CACNA2D3: variants seen among roughly 807,000 people sequenced by gnomAD.
The protein encoded by CACNA2D3 is calcium voltage-gated channel auxiliary subunit alpha2delta 3.
CACNA2D3 carries 60 observed loss-of-function variants against 160.6 expected under a neutral mutation model. That is an observed-to-expected ratio of 0.37 (90% CI 0.30 to 0.46). The LOEUF is 0.46. CACNA2D3 is among the 20% of genes least tolerant of loss of function. The pLI, the probability that CACNA2D3 is intolerant of heterozygous loss-of-function variation, is 1.00. For synonymous variants in CACNA2D3, 558 were observed against 492.9 expected, an observed-to-expected ratio of 1.13 and a Z score of -1.75; for missense variants, 1,205 against 1,365.0, an observed-to-expected ratio of 0.88 and a Z score of 1.85.
chr3:54,294,650 T>C (rs1005843092), intron 2 of CACNA2D3, among the ~76,000 whole-genome samples: 1 of 152,180 alleles, frequency 6.6e-6, no homozygotes, highest in East Asian at 1.9e-4. Flanking sequence ...TTTCCAGGCC[T>C]TGGTCATTTT....
chr3:54,141,888 C>A (rs1041578978), intron 2 of CACNA2D3, among the ~76,000 whole-genome samples: 1 of 152,160 alleles, frequency 6.6e-6, no homozygotes, highest in Non-Finnish European at 1.5e-5. Flanking sequence ...GGTATCATGC[C>A]GGCTCTTGGA....
intron 29 of CACNA2D3, among the ~76,000 whole-genome samples, chr3:54,971,684 A>G (rs1400948879): frequency 3.9e-5 from 6 of 152,220 alleles, no homozygotes; most frequent in Non-Finnish European, 7.3e-5. Context: ...AAACAAGTGG[A>G]AATGGATTTC....
rs956629824 is a variant in CACNA2D3, at chr3:54,969,863, C to T, written c.2556+19C>T. On this transcript the variant is annotated intron_variant, in intron 29 of 37. Transcript: ENST00000474759. The stretch of plus-strand genomic sequence containing the variant: ...TGATGAGGTAAGACGGCCTCCTGGT[C>T]CTGTTTCTACCCCTGTGGATAGAAG... The T allele has an allele frequency of 6.2e-7, 1 of 1,609,552 alleles. No individual in the cohort carries two copies.
chr3:54,411,874 C>A (rs1422116806), intron 4 of CACNA2D3, among the ~76,000 whole-genome samples: 6 of 152,196 alleles, frequency 3.9e-5, no homozygotes, highest in African/African-American at 1.4e-4. Flanking sequence ...TGCTGCTTAA[C>A]TACACTTGTG....
intron 11 of CACNA2D3, among the ~76,000 whole-genome samples, chr3:54,703,320 A>T (rs1448743582): frequency 3.3e-5 from 5 of 152,204 alleles, no homozygotes; most frequent in African/African-American, 1.2e-4. Context: ...ATTAACCTAC[A>T]TGTGATTCAT....
At chr3:54,885,624 G>T (rs764284460) in intron 23 of CACNA2D3, 38 bp downstream of exon 23, 4 of 1,503,846 alleles carry the variant, frequency 2.7e-6, no homozygotes, top group African/African-American at 1.4e-5. Flanking sequence ...GCCTTCAGGG[G>T]TGATGGTGGG....
At chr3:54,883,806 T>TCTCTCTCTCTCTCTCTCTCTCTCTCTCC (rs1699859664) in intron 21 of CACNA2D3, among the ~76,000 whole-genome samples, 1 of 125,208 alleles carries the variant, frequency 8.0e-6, no homozygotes, top group African/African-American at 3.3e-5. Flanking sequence ...GGAATCTCTC[T>TCTCTCTCTCTCTCTCTCTCTCTCTCTCC]CTCTCTCTCT....
chr3:54,709,951 A>G (rs781646998), intron 11 of CACNA2D3, among the ~76,000 whole-genome samples: 4 of 152,168 alleles, frequency 2.6e-5, no homozygotes, highest in Admixed American at 6.5e-5. Flanking sequence ...TCAGTCGCCT[A>G]CCACCTGGTA....
At chr3:54,743,605 A>G (rs923590600) in intron 11 of CACNA2D3, among the ~76,000 whole-genome samples, 1 of 152,192 alleles carries the variant, frequency 6.6e-6, no homozygotes, top group African/African-American at 2.4e-5. Context: ...CAATTAATTT[A>G]TTCCCCTTTG....
intron 3 of CACNA2D3, among the ~76,000 whole-genome samples, chr3:54,355,497 G>T (rs1405521968): frequency 6.6e-6 from 1 of 152,144 alleles, no homozygotes; most frequent in Non-Finnish European, 1.5e-5. Flanking sequence ...TGAAGTTAGA[G>T]TCATCAGGAA....
At chr3:55,018,387 T>C in intron 35 of CACNA2D3, 70 bp downstream of exon 35, 1 of 892,606 alleles carries the variant, frequency 1.1e-6, no homozygotes, top group Admixed American at 2.0e-5. Context: ...CAGATGGGTC[T>C]GTGTGACTTG....
intron 35 of CACNA2D3, among the ~76,000 whole-genome samples, chr3:55,069,570 T>G (rs748710971): frequency 1.6e-4 from 25 of 152,250 alleles, no homozygotes; most frequent in African/African-American, 5.3e-4. Context: ...TGGTTTTATA[T>G]GCTGATTATG....
At chr3:54,857,215 A>C (rs1305545657) in intron 17 of CACNA2D3, among the ~76,000 whole-genome samples, 1 of 152,152 alleles carries the variant, frequency 6.6e-6, no homozygotes, top group Non-Finnish European at 1.5e-5. Context: ...CTGTTCATAG[A>C]TTTAGGCCAG....
rs555344045 is a variant in CACNA2D3, at chr3:54,127,632, C to T, written c.204+4038C>T. ...TATTTGCCATCCTGAATGATAAATG[C>T]GTTCAACCTATGCTGCGGATGCTTT... On this transcript the variant is annotated intron_variant, in intron 2 of 37. Transcript: ENST00000474759. Among the ~76,000 whole-genome samples, 7 of 152,298 alleles carry T rather than the reference C, an allele frequency of 4.6e-5. No individual in the cohort carries two copies. The South Asian group carries it at 8.3e-4, about 18-fold the overall frequency.
chr3:54,768,210 T>G (rs1246926277), intron 13 of CACNA2D3, among the ~76,000 whole-genome samples: 1 of 152,196 alleles, frequency 6.6e-6, no homozygotes. Flanking sequence ...GTACACTGTC[T>G]TAGTATACTA....
intron 27 of CACNA2D3, among the ~76,000 whole-genome samples, chr3:54,942,956 G>A (rs1478692973): frequency 5.3e-5 from 8 of 152,128 alleles, no homozygotes; most frequent in Admixed American, 6.5e-5. Flanking sequence ...CCCAGGAGGC[G>A]GAGGTTGCAG....
chr3:54,347,410 T>C (rs761562184), intron 3 of CACNA2D3, among the ~76,000 whole-genome samples: 1 of 152,206 alleles, frequency 6.6e-6, no homozygotes, highest in African/African-American at 2.4e-5. Flanking sequence ...CCCTTTCATT[T>C]TGGAGACCAG....
chr3:54,151,207 G>A (rs916038008), intron 2 of CACNA2D3, among the ~76,000 whole-genome samples: 2 of 151,886 alleles, frequency 1.3e-5, no homozygotes, highest in Non-Finnish European at 2.9e-5. Flanking sequence ...TGGTGGATAA[G>A]TAGATTAATT....
At chr3:54,985,117 T>A (rs1342247377) in intron 30 of CACNA2D3, among the ~76,000 whole-genome samples, 1 of 152,204 alleles carries the variant, frequency 6.6e-6, no homozygotes, top group Non-Finnish European at 1.5e-5. Flanking sequence ...TTCGTTCTGG[T>A]TTTTGCTTTT....
Sources: gnomAD v4.1 joint callset for allele counts (sites outside exome capture counted in the v4.1 genomes callset) on GRCh38, gnomAD v4.1.1 for gene constraint, MANE v1.5 for transcripts, NCBI Gene and HGNC (gene_info 2026-07-23, HGNC 2026-07-21) for gene names.